Variants in TTC21B observed in about 807,000 individuals in gnomAD.
The protein encoded by TTC21B is tetratricopeptide repeat protein 21B.
TTC21B carries 127 observed loss-of-function variants against 175.1 expected under a neutral mutation model. The observed-to-expected ratio is 0.73, with a 90% CI of 0.63 to 0.84. The LOEUF is 0.84. Ranked by LOEUF, TTC21B falls within the 40% of genes least tolerant of loss-of-function variation. The pLI is 0.00. For missense variants in TTC21B, 1,561 were observed against 1,558.3 expected (o/e 1.00, Z -0.03); for synonymous variants, 524 against 524.5 (o/e 1.00, Z 0.01).
chr2:165,946,393 A>T lies in TTC21B; in HGVS notation c.263-703T>A, dbSNP rs187977547. On this transcript the variant is annotated intron_variant, in intron 3 of 28. Coordinates refer to ENST00000243344, the MANE Select transcript of TTC21B (RefSeq NM_024753.5). ...TAAAAATACTTGATTTGTAGTTTTC[A>T]TAAAACTTATGGCTGAAAAGCAGAT... Among the ~76,000 whole-genome samples the T allele has an allele frequency of 1.1e-4, 16 of 152,280 alleles. No homozygotes were observed. The East Asian group carries it at 3.1e-3, about 29-fold the overall frequency.
Position 165,890,843 on chromosome 2 carries a change from A to AT in TTC21B, c.3095dup (p.Tyr1032Ter). Reference sequence around the variant, plus strand: ...TTATTTGTAAATAGATTTACCAAAGATACAGTCCTTTACAATACTGAAATC... The same window carrying AT: ...TTATTTGTAAATAGATTTACCAAAGATTACAGTCCTTTACAATACTGAAATC... ...EPGFQYCKGL[Y>*]LWYTGEPNDA... The change falls in exon 23 of 29, where the codon TAT (tyrosine) becomes TAAT (stop). Residue 1032 changes from tyrosine (Y) to a stop codon, truncating the protein, a stop_gained and frameshift_variant. Transcript: ENST00000243344. LOFTEE classifies it high-confidence loss of function. 3 of 1,613,268 alleles carry AT rather than the reference A, an allele frequency of 1.9e-6. No individual in the cohort carries two copies. The highest frequency in any genetic ancestry group is 2.5e-6 in the Non-Finnish European group (3 of 1,179,476).
intron 3 of TTC21B, among the ~76,000 whole-genome samples, chr2:165,945,950 A>C (rs1687543870): frequency 6.6e-6 from 1 of 152,230 alleles, no homozygotes; most frequent in Admixed American, 6.5e-5. Flanking sequence ...ATTGACATAA[A>C]AATTAATGAG....
chr2:165,920,200 T>C (rs1034363778), intron 12 of TTC21B, among the ~76,000 whole-genome samples: 4 of 152,114 alleles, frequency 2.6e-5, no homozygotes, highest in African/African-American at 4.8e-5. Flanking sequence ...AAGATGTAAG[T>C]AGGCTAACTC....
At position 165,915,292 on chromosome 2, in the gene TTC21B, C is replaced by A; in HGVS notation, c.2047G>T (p.Glu683Ter). The A allele has an allele frequency of 6.2e-7, 1 of 1,613,992 alleles. No homozygotes were observed. Among genetic ancestry groups the A allele is most frequent in the Admixed American group, 1.7e-5 (1 of 60,002 alleles). Residue 683 changes from glutamate (E) to a stop codon, truncating the protein, a stop_gained, in exon 15 of 29, where the codon GAA (glutamate) becomes TAA (stop). Transcript: ENST00000243344. LOFTEE classifies it high-confidence loss of function. ...ALSILQNVTA[E>*]QPYFIEAREK... is the part of the protein sequence containing the mutation. ...CTGGCCTCTATAAAATAAGGCTGTT[C>A]GGCTGTAACATTCTGAAGGATGCTT...
At chr2:165,949,548 A>G (rs746920798) in intron 2 of TTC21B, 44 bp from the exon 3 acceptor site, 6 of 1,613,820 alleles carry the variant, frequency 3.7e-6, no homozygotes, top group Non-Finnish European at 4.2e-6. Context: ...CTTAGTGCAA[A>G]GCAAGAATTT....
Position 165,943,202 on chromosome 2 carries a change from C to T in TTC21B, c.552+17G>A. ...TATATTTTGAAACATGATTTATTTA[C>T]CCTAACTCCAACTCACCTTACCCAG... On this transcript the variant is annotated intron_variant, in intron 5 of 28. Transcript: ENST00000243344. 6.2e-7 allele frequency: 1 copy of T among 1,612,810 alleles called. No individual in the cohort carries two copies. The highest frequency in any genetic ancestry group is 8.5e-7 in the Non-Finnish European group (1 of 1,179,120).
intron 27 of TTC21B, among the ~76,000 whole-genome samples, chr2:165,876,513 C>CTT (rs1684668001): frequency 6.6e-6 from 1 of 152,164 alleles, no homozygotes; most frequent in Admixed American, 6.5e-5. Flanking sequence ...CTATAACTTA[C>CTT]TAGAAAAGTC....
chr2:165,901,477 C>G (rs1685556992), intron 20 of TTC21B, among the ~76,000 whole-genome samples: 2 of 151,984 alleles, frequency 1.3e-5, no homozygotes, highest in African/African-American at 4.8e-5. Context: ...GCGCCCCCCA[C>G]CACGCTGGCT....
intron 25 of TTC21B, among the ~76,000 whole-genome samples, chr2:165,886,888 C>T (rs1363048363): frequency 6.6e-6 from 1 of 152,222 alleles, no homozygotes; most frequent in Non-Finnish European, 1.5e-5. Flanking sequence ...TACTTCTGCT[C>T]TGCCTTCATT....
At chr2:165,929,484 C>A in intron 10 of TTC21B, 149 bp from the exon 11 acceptor site, 1 of 939,620 alleles carries the variant, frequency 1.1e-6, no homozygotes, top group South Asian at 1.5e-5. Context: ...TAGAATCATT[C>A]AGAAGAATAA....
intron 1 of TTC21B, 29 bp downstream of exon 1, chr2:165,953,656 C>CTCACCCGT (rs1162451186): frequency 4.8e-5 from 73 of 1,520,704 alleles, no homozygotes; most frequent in Non-Finnish European, 5.9e-5. Flanking sequence ...CGCCCGCCCG[C>CTCACCCGT]TCACCCGCTC....
chr2:165,953,735 T>TG lies in TTC21B; in HGVS notation c.-31dup. ...GCCCCGAGGCCGGGCCGCGGGGCTC[T>TG]GGGGATTGTCTCGCCGCAGCCTAAA... On this transcript the variant is annotated 5_prime_UTR_variant, in exon 1 of 29. Transcript: ENST00000243344. 2 of 1,531,916 alleles carry TG rather than the reference T, an allele frequency of 1.3e-6. No individual in the cohort carries two copies. Among genetic ancestry groups the TG allele is most frequent in the Non-Finnish European group, 1.8e-6 (2 of 1,137,992 alleles). The allele number at this position is 1,531,916 out of a possible 1,614,324, so 94.9% of individuals were successfully genotyped here.
At chr2:165,879,753 T>C (rs545356838) in intron 27 of TTC21B, 2 of 152,146 alleles carry the variant, frequency 1.3e-5, no homozygotes, top group Admixed American at 1.3e-4. Context: ...TCACACTTCA[T>C]TCTTTTTAAT....
chr2:165,913,676 A>G (rs1008133839), intron 15 of TTC21B, 30 bp from the exon 16 acceptor site: 15 of 1,537,582 alleles, frequency 9.8e-6, no homozygotes, highest in East Asian at 2.2e-5. Flanking sequence ...TACTTAGCAT[A>G]TTGAACACAG....
rs1559064816 is a variant in TTC21B, at chr2:165,927,282, ATATCCTAGTAGTTATATATATATATT to A, written c.1386+1827_1386+1852del. On this transcript the variant is annotated intron_variant, in intron 11 of 28. Coordinates refer to ENST00000243344, the MANE Select transcript of TTC21B (RefSeq NM_024753.5). ...TATATCCTAGTAGTTATATATATATATATCCTAGTAGTTATATATATATATTATATATTATATAATATATATATAAT... is the reference window on the plus strand; with the variant it reads ...TATATCCTAGTAGTTATATATATATAATATATTATATAATATATATATAAT... Among the ~76,000 whole-genome samples the A allele has an allele frequency of 1.9e-4, 19 of 101,078 alleles. 1 individual carries two copies. Among genetic ancestry groups the A allele is most frequent in the East Asian group, 5.4e-4 (2 of 3,730 alleles). The allele number at this position is 101,078 out of a possible 152,430, so 66.3% of individuals were successfully genotyped here. A position where few individuals can be genotyped will look rare whatever the true frequency, so the allele number is the denominator to read the frequency against.
At chr2:165,934,526 A>C (rs1253879101) in intron 6 of TTC21B, among the ~76,000 whole-genome samples, 7 of 150,790 alleles carry the variant, frequency 4.6e-5, no homozygotes, top group Admixed American at 2.0e-4. Flanking sequence ...AAAAAAGAAA[A>C]GAAACGAAAC....
At chr2:165,942,287 A>G (rs1188603489) in intron 5 of TTC21B, among the ~76,000 whole-genome samples, 1 of 152,134 alleles carries the variant, frequency 6.6e-6, no homozygotes, top group Non-Finnish European at 1.5e-5. Context: ...TTCCCAACAT[A>G]TAATTTCTTT....
chr2:165,930,600 C>T (rs1433510988), intron 8 of TTC21B, among the ~76,000 whole-genome samples: 2 of 151,792 alleles, frequency 1.3e-5, no homozygotes, highest in African/African-American at 2.4e-5. Flanking sequence ...TACAAAATAA[C>T]TAGTATGAAA....
In TTC21B at chr2:165,884,030, C is replaced by T. The variant is rs2105284774; in HGVS notation, c.3460-12G>A. On this transcript the variant is annotated splice_polypyrimidine_tract_variant and intron_variant, in intron 25 of 28. Coordinates refer to ENST00000243344, the MANE Select transcript of TTC21B (RefSeq NM_024753.5). ...GGGATATGCTCCTTCTATAAGAAAA[C>T]AAAATTTTAGACCATAAGATGCATA... The T allele has an allele frequency of 1.2e-6, 2 of 1,611,354 alleles. No homozygotes were observed. The highest frequency in any genetic ancestry group is 1.7e-6 in the Non-Finnish European group (2 of 1,177,828).
Sources: gnomAD v4.1 joint callset for allele counts (sites outside exome capture counted in the v4.1 genomes callset) on GRCh38, gnomAD v4.1.1 for gene constraint, MANE v1.5 for transcripts, NCBI Gene and HGNC (gene_info 2026-07-23, HGNC 2026-07-21) for gene names.